GPC5: variants seen among roughly 807,000 people sequenced by gnomAD.
GPC5 encodes the protein glypican 5, also known as glypican-5.
A neutral mutation model predicts 53.9 loss-of-function variants in GPC5; 47 were observed. That is an observed-to-expected ratio of 0.87 (90% CI 0.69 to 1.11). The LOEUF (loss-of-function observed/expected upper bound fraction) is 1.11, where lower values mean the gene tolerates loss of function less well. Ranked by LOEUF, GPC5 falls within the 50% of genes most tolerant of loss-of-function variation. The pLI, the probability that GPC5 is intolerant of heterozygous loss-of-function variation, is 0.00. For missense variants in GPC5, 748 were observed against 713.1 expected (o/e 1.05, Z -0.56); for synonymous variants, 286 against 263.3 (o/e 1.09, Z -0.84).
chr13:92,325,320 G>A (rs1395966809), intron 7 of GPC5, among the ~76,000 whole-genome samples: 1 of 151,888 alleles, frequency 6.6e-6, no homozygotes, highest in Admixed American at 6.6e-5. Context: ...ATTCAGATTG[G>A]ATAAAGTAAA....
intron 2 of GPC5, among the ~76,000 whole-genome samples, chr13:91,567,094 A>G (rs2031569025): frequency 6.6e-6 from 1 of 152,016 alleles, no homozygotes. Flanking sequence ...CTTGTCCTGT[A>G]TTTGGATCTT....
chr13:91,458,356 T>G (rs1361991157), intron 2 of GPC5, among the ~76,000 whole-genome samples: 1 of 152,034 alleles, frequency 6.6e-6, no homozygotes, highest in Non-Finnish European at 1.5e-5. Context: ...GATTGTAAAA[T>G]AATCACTGTC....
At chr13:92,568,622 G>T (rs1403755442) in intron 7 of GPC5, among the ~76,000 whole-genome samples, 2 of 152,132 alleles carry the variant, frequency 1.3e-5, no homozygotes, top group Non-Finnish European at 2.9e-5. Flanking sequence ...AATATATGAT[G>T]ATACTAATGA....
intron 2 of GPC5, among the ~76,000 whole-genome samples, chr13:91,449,906 G>A (rs1478130408): frequency 1.3e-5 from 2 of 152,038 alleles, no homozygotes; most frequent in Non-Finnish European, 2.9e-5. Flanking sequence ...AGATTATACA[G>A]CTTTTCAAAT....
At chr13:92,157,065 C>T (rs1303794953) in intron 7 of GPC5, among the ~76,000 whole-genome samples, 1 of 152,138 alleles carries the variant, frequency 6.6e-6, no homozygotes, top group Non-Finnish European at 1.5e-5. Context: ...GGTTGCAAAA[C>T]TAATCTTCAA....
intron 7 of GPC5, among the ~76,000 whole-genome samples, chr13:92,612,925 A>G (rs866450393): frequency 1.8e-4 from 27 of 152,054 alleles, no homozygotes; most frequent in African/African-American, 6.5e-4. Context: ...TTTTTCAGGA[A>G]CCCTTTTAAA....
At chr13:92,060,875 C>G (rs1351514707) in intron 6 of GPC5, among the ~76,000 whole-genome samples, 1 of 152,030 alleles carries the variant, frequency 6.6e-6, no homozygotes, top group Non-Finnish European at 1.5e-5. Flanking sequence ...CTTAATTATT[C>G]AGCATATTCT....
intron 5 of GPC5, among the ~76,000 whole-genome samples, chr13:91,760,033 T>C (rs939641899): frequency 3.3e-5 from 5 of 152,134 alleles, no homozygotes; most frequent in African/African-American, 1.2e-4. Flanking sequence ...TTAATTTGTA[T>C]TGTACATACT....
intron 2 of GPC5, among the ~76,000 whole-genome samples, chr13:91,459,807 T>C (rs1429146093): frequency 6.6e-6 from 1 of 152,154 alleles, no homozygotes; most frequent in African/African-American, 2.4e-5. Context: ...GATAGACATA[T>C]TTCTGTAATA....
chr13:91,796,286 C>A (rs940042730), intron 5 of GPC5, among the ~76,000 whole-genome samples: 2 of 152,172 alleles, frequency 1.3e-5, no homozygotes, highest in African/African-American at 4.8e-5. Context: ...CAGCAGTGGG[C>A]GCCTTGCTGG....
intron 2 of GPC5, among the ~76,000 whole-genome samples, chr13:91,681,107 C>A (rs1240165412): frequency 6.6e-6 from 1 of 151,808 alleles, no homozygotes; most frequent in Non-Finnish European, 1.5e-5. Flanking sequence ...GTAAAGCGTT[C>A]CGAGACCGAA....
intron 2 of GPC5, among the ~76,000 whole-genome samples, chr13:91,616,947 T>C (rs1048264652): frequency 1.3e-5 from 2 of 152,078 alleles, no homozygotes; most frequent in Admixed American, 6.6e-5. Flanking sequence ...GCACAAAACA[T>C]CTTTTGGGGG....
At chr13:91,515,991 C>T (rs1433567922) in intron 2 of GPC5, among the ~76,000 whole-genome samples, 1 of 152,112 alleles carries the variant, frequency 6.6e-6, no homozygotes, top group Non-Finnish European at 1.5e-5. Context: ...GAGACTTATT[C>T]ACTATCAGGA....
At chr13:91,590,146 G>C (rs144336484) in intron 2 of GPC5, among the ~76,000 whole-genome samples, 6,320 of 151,416 alleles carry the variant, frequency 0.042, 144 homozygotes, top group Non-Finnish European at 0.05. Context: ...ATAAGAAAAA[G>C]TTCTTTATTT....
intron 7 of GPC5, among the ~76,000 whole-genome samples, chr13:92,238,343 A>T (rs1487648705): frequency 2.0e-5 from 3 of 152,002 alleles, no homozygotes; most frequent in African/African-American, 7.2e-5. Context: ...ATTTATTCAC[A>T]TCCTCACCAA....
At chr13:92,318,064 T>G (rs949944702) in intron 7 of GPC5, among the ~76,000 whole-genome samples, 1 of 152,210 alleles carries the variant, frequency 6.6e-6, no homozygotes, top group South Asian at 2.1e-4. Context: ...ATTTGCCTGA[T>G]AGAAGCTTTT....
At chr13:92,383,171 C>A (rs2043764598) in intron 7 of GPC5, among the ~76,000 whole-genome samples, 1 of 152,060 alleles carries the variant, frequency 6.6e-6, no homozygotes, top group African/African-American at 2.4e-5. Flanking sequence ...CATTTCATTT[C>A]CCAAAGGAAA....
At chr13:91,421,577 AT>A (rs1381338923) in intron 1 of GPC5, among the ~76,000 whole-genome samples, 1 of 152,226 alleles carries the variant, frequency 6.6e-6, no homozygotes, top group Non-Finnish European at 1.5e-5. Flanking sequence ...GGCCAACAAT[AT>A]TGCATTGAAT....
chr13:92,166,951 C>G (rs1353197438), intron 7 of GPC5, among the ~76,000 whole-genome samples: 11 of 55,986 alleles, frequency 2.0e-4, no homozygotes, highest in Non-Finnish European at 4.3e-4. Context: ...CTCTCTCTCT[C>G]TCTCTCACAC....
Sources: allele counts gnomAD v4.1 joint callset (sites outside exome capture counted in the v4.1 genomes callset), GRCh38; gene constraint gnomAD v4.1.1; transcripts MANE v1.5; gene names NCBI Gene and HGNC (gene_info 2026-07-23, HGNC 2026-07-21).